Variants in ZMAT1 observed in about 807,000 individuals in gnomAD.
ZMAT1 encodes zinc finger matrin-type protein 1.
A neutral mutation model predicts 18.5 loss-of-function variants in ZMAT1; 11 were observed. That is an observed-to-expected ratio of 0.59 (90% CI 0.37 to 0.98). ZMAT1 has a LOEUF of 0.98. ZMAT1 is among the 50% of genes least tolerant of loss of function. The pLI, the probability that ZMAT1 is intolerant of heterozygous loss-of-function variation, is 0.01. For synonymous variants in ZMAT1, 211 were observed against 176.4 expected (o/e 1.20, Z -1.55); for missense variants, 525 against 496.2 (o/e 1.06, Z -0.55).
At chrX:101,891,254 G>A (rs1323826989) in intron 4 of ZMAT1, among the ~76,000 whole-genome samples, 1 of 111,792 alleles carries the variant, frequency 8.9e-6, no homozygotes, top group East Asian at 2.8e-4. Flanking sequence ...GGATTGGGGA[G>A]AGGAAAGAAT....
chrX:101,886,666 G>A lies in ZMAT1; in HGVS notation c.742C>T (p.Arg248Trp), dbSNP rs1018141252. The change falls in exon 5 of 6, where the codon CGG (arginine) becomes TGG (tryptophan). Residue 248 changes from arginine (R) to tryptophan (W), a missense_variant. By Grantham distance (101) the Arg-to-Trp change is moderately radical. Coordinates refer to ENST00000651725, the MANE Select transcript of ZMAT1 (RefSeq NM_001394560.1). ...SIAFTSLDMFRSHMQGSEHQI... is the reference protein window; with the variant it reads ...SIAFTSLDMFWSHMQGSEHQI... ...TGTTCACTTCCTTGCATGTGGGACCGGAACATATCTAAAGATGTAAAAGCA... is the reference window on the plus strand; with the variant it reads ...TGTTCACTTCCTTGCATGTGGGACCAGAACATATCTAAAGATGTAAAAGCA... 5.8e-6 allele frequency: 7 copies of A among 1,205,121 alleles called. No homozygotes were observed. The highest frequency in any genetic ancestry group is 7.8e-6 in the Non-Finnish European group (7 of 892,242).
intron 4 of ZMAT1, among the ~76,000 whole-genome samples, chrX:101,893,548 A>G (rs1927579951): frequency 8.9e-6 from 1 of 111,839 alleles, no homozygotes; most frequent in Non-Finnish European, 1.9e-5. Flanking sequence ...CTCAACAAAT[A>G]AAGATAATTA....
Position 101,921,843 on chromosome X carries a change from C to T in ZMAT1, c.292+9874G>A, listed in dbSNP as rs180740297. ...TTAACTCCTTATTTTGAGTATTTAT[C>T]TTCTATTAATACAGTCTACAATAGC... On this transcript the variant is annotated intron_variant, in intron 1 of 5. Coordinates refer to ENST00000651725, the MANE Select transcript of ZMAT1 (RefSeq NM_001394560.1). 4.9e-3 allele frequency among the ~76,000 whole-genome samples: 548 copies of T among 110,900 alleles called. 2 individuals are homozygous for T. Among genetic ancestry groups the T allele is most frequent in the African/African-American group, 0.016 (501 of 30,557 alleles).
Position 101,897,900 on chromosome X carries a change from T to G in ZMAT1, c.644A>C (p.Gln215Pro), listed in dbSNP as rs1253926705. 4 of 1,209,919 alleles carry G rather than the reference T, an allele frequency of 3.3e-6. No homozygotes were observed. In the East Asian group the frequency reaches 1.2e-4, roughly 36 times the overall value. ...KLKQLMEEHD[Q>P]ASPSGFQPEM... is the part of the protein sequence containing the mutation. ...TGGTTGAAATCCTGATGGAGATGCC[T>G]GATCATGTTCCTCCATTAATTGCTT... The change falls in exon 4 of 6, where the codon CAG becomes CCG. Residue 215 changes from glutamine (Q) to proline (P), a missense_variant. Gln to Pro is a moderately conservative substitution (Grantham distance 76). Transcript: ENST00000651725.
chrX:101,902,259 TC>T (rs1231510411), intron 2 of ZMAT1, among the ~76,000 whole-genome samples: 10 of 112,076 alleles, frequency 8.9e-5, no homozygotes, highest in African/African-American at 2.9e-4. Context: ...TATGGACTGT[TC>T]ACATCACTTT....
At chrX:101,897,694 A>T (rs1188333020) in intron 4 of ZMAT1, among the ~76,000 whole-genome samples, 174 bp downstream of exon 4, 1 of 111,493 alleles carries the variant, frequency 9.0e-6, no homozygotes, top group Non-Finnish European at 1.9e-5. Flanking sequence ...TAGCAATTAA[A>T]ATCTCCATAT....
chrX:101,883,476 TTCAA>T lies in ZMAT1; in HGVS notation c.*30_*33del. The stretch of plus-strand genomic sequence containing the variant: ...AAATCCATATTGACTGTTTTTTTTT[TTCAA>T]TTCAACCTTGGGTAAACAAAACTAA... On this transcript the variant is annotated 3_prime_UTR_variant, in exon 6 of 6. Coordinates refer to ENST00000651725, the MANE Select transcript of ZMAT1 (RefSeq NM_001394560.1). 1 of 1,100,564 alleles carries T rather than the reference TTCAA, an allele frequency of 9.1e-7. No individual in the cohort carries two copies. 90.7% of individuals were successfully genotyped at this position (1,100,564 alleles called of 1,213,427 possible). A position where few individuals can be genotyped will look rare whatever the true frequency, so the allele number is the denominator to read the frequency against.
intron 1 of ZMAT1, among the ~76,000 whole-genome samples, chrX:101,921,262 C>A (rs894036074): frequency 8.9e-6 from 1 of 111,820 alleles, no homozygotes; most frequent in Non-Finnish European, 1.9e-5. Flanking sequence ...TAATTAGAAT[C>A]TCTGAGAGCG....
At chrX:101,886,924 C>T in intron 4 of ZMAT1, 193 bp from the exon 5 acceptor site, 1 of 361,774 alleles carries the variant, frequency 2.8e-6, no homozygotes, top group Non-Finnish European at 4.8e-6. Context: ...CTCTCAGAGC[C>T]CACACCTCTT....
In ZMAT1 at chrX:101,883,568, G is replaced by A; in HGVS notation, c.2030C>T (p.Ser677Phe). The change falls in exon 6 of 6, where the codon TCT (serine) becomes TTT (phenylalanine). Residue 677 changes from serine to phenylalanine, a missense_variant. Ser to Phe is a radical substitution (Grantham distance 155). Coordinates refer to ENST00000651725, the MANE Select transcript of ZMAT1 (RefSeq NM_001394560.1). The part of the protein sequence containing the change: ...ERKHRKEKKK[S>F]VEERTEEEML... ...TTCCTCTTCTGTCCTTTCTTCAACA[G>A]ATTTCTTTTTCTCTTTCCTGTGCTT... The A allele has an allele frequency of 8.3e-7, 1 of 1,200,888 alleles. No individual in the cohort carries two copies. Among genetic ancestry groups the A allele is most frequent in the Non-Finnish European group, 1.1e-6 (1 of 892,561 alleles).
chrX:101,912,107 C>T (rs5944890), intron 1 of ZMAT1: 158,182 of 992,437 alleles, frequency 0.16, 9,685 homozygotes, highest in Middle Eastern at 0.21. Context: ...CATGGGAAGA[C>T]CTTAAGCCAT....
At chrX:101,891,277 A>AAAATAAT (rs907975251) in intron 4 of ZMAT1, among the ~76,000 whole-genome samples, 1 of 111,692 alleles carries the variant, frequency 9.0e-6, no homozygotes, top group African/African-American at 3.3e-5. Flanking sequence ...AGAGAAGTCT[A>AAAATAAT]AAATAATTCC....
intron 2 of ZMAT1, among the ~76,000 whole-genome samples, chrX:101,901,109 T>C (rs1205326797): frequency 9.0e-6 from 1 of 111,396 alleles, no homozygotes; most frequent in Non-Finnish European, 1.9e-5. Context: ...ATTCTCTGCT[T>C]GGTCGCTGTT....
At chrX:101,918,256 T>C (rs1929468698) in intron 1 of ZMAT1, among the ~76,000 whole-genome samples, 1 of 111,402 alleles carries the variant, frequency 9.0e-6, no homozygotes. Flanking sequence ...TCACACTGCA[T>C]GCCTGTATCA....
At chrX:101,921,774 A>C (rs1435716530) in intron 1 of ZMAT1, among the ~76,000 whole-genome samples, 1 of 111,387 alleles carries the variant, frequency 9.0e-6, no homozygotes, top group Admixed American at 9.6e-5. Flanking sequence ...AAAATTTACT[A>C]TCTCAACCAT....
intron 1 of ZMAT1, among the ~76,000 whole-genome samples, chrX:101,908,317 C>G (rs756535946): frequency 3.6e-5 from 4 of 111,647 alleles, no homozygotes; most frequent in Admixed American, 9.5e-5. Flanking sequence ...ATCTTTAATA[C>G]GAATAAGTAA....
At chrX:101,900,099 T>A (rs980826559) in intron 2 of ZMAT1, among the ~76,000 whole-genome samples, 1 of 112,212 alleles carries the variant, frequency 8.9e-6, no homozygotes, top group Non-Finnish European at 1.9e-5. Flanking sequence ...CATTTGCATA[T>A]CTTCTTTTGA....
In ZMAT1 at chrX:101,884,749, A is replaced by T; in HGVS notation, c.849T>A (p.Asp283Glu). The T allele has an allele frequency of 2.5e-6, 3 of 1,210,428 alleles. No individual in the cohort carries two copies. Among genetic ancestry groups the T allele is most frequent in the Non-Finnish European group, 3.4e-6 (3 of 894,508 alleles). The change falls in exon 6 of 6, where the codon GAT (aspartate) becomes GAA (glutamate). Residue 283 changes from aspartate to glutamate, a missense_variant. Coordinates refer to ENST00000651725, the MANE Select transcript of ZMAT1 (RefSeq NM_001394560.1). Reference protein sequence around the residue: ...TQDSYQNECADYINVQKARGL... With the variant: ...TQDSYQNECAEYINVQKARGL... ...CTCTGGCTTTCTGCACATTGATGTA[A>T]TCTGCACACTCATTTTGGTAAGAGT...
At chrX:101,920,597 G>C (rs1434845199) in intron 1 of ZMAT1, among the ~76,000 whole-genome samples, 2 of 111,622 alleles carry the variant, frequency 1.8e-5, no homozygotes, top group South Asian at 3.7e-4. Context: ...AGTTCTGCAA[G>C]GAGAAAATAA....
Sources: allele counts gnomAD v4.1 joint callset (sites outside exome capture counted in the v4.1 genomes callset), GRCh38; gene constraint gnomAD v4.1.1; transcripts MANE v1.5; gene names NCBI Gene and HGNC (gene_info 2026-07-23, HGNC 2026-07-21).